Variants in ERC2 observed in about 807,000 individuals in gnomAD.
ERC2 encodes ERC protein 2.
A neutral mutation model predicts 114.8 loss-of-function variants in ERC2; 42 were observed. The ratio of observed to expected loss-of-function variants is 0.37; its 90% CI spans 0.29 to 0.47. The LOEUF is 0.47. ERC2 is among the 20% of genes least tolerant of loss of function. The pLI, the probability that ERC2 is intolerant of heterozygous loss-of-function variation, is 0.99. For synonymous variants in ERC2, 454 were observed against 425.5 expected (o/e 1.07, Z -0.82); for missense variants, 939 against 1,150.7 (o/e 0.82, Z 2.66).
At position 56,434,625 on chromosome 3, in the gene ERC2, G is replaced by A; in HGVS notation, c.383C>T (p.Ser128Phe). The change falls in exon 2 of 18, where the codon TCC becomes TTC. Residue 128 changes from serine to phenylalanine, a missense_variant. Ser to Phe is a radical substitution (Grantham distance 155). This residue lies in a region of ERC2 where 281 missense variants were observed against 307.4 expected (regional missense o/e 0.91). Transcript: ENST00000288221. Reference sequence around the variant, plus strand: ...GGGGACCTGGTGGTGGTGATGATGGGATGAGCCAGTCAGCCCACCATGTTG... The same window carrying A: ...GGGGACCTGGTGGTGGTGATGATGGAATGAGCCAGTCAGCCCACCATGTTG... ...TDQHGGLTGS[S>F]HHHHHQVPSM... The A allele has an allele frequency of 1.2e-6, 2 of 1,613,964 alleles. No individual in the cohort carries two copies. The highest frequency in any genetic ancestry group is 1.7e-6 in the Non-Finnish European group (2 of 1,179,886).
chr3:55,828,547 G>C (rs1438820486), intron 14 of ERC2, among the ~76,000 whole-genome samples: 2 of 147,376 alleles, frequency 1.4e-5, no homozygotes, highest in Non-Finnish European at 3.0e-5. Flanking sequence ...TTAGAGGACT[G>C]CAAAAGAGGG....
At chr3:55,922,177 T>C (rs2065468138) in intron 13 of ERC2, among the ~76,000 whole-genome samples, 1 of 152,140 alleles carries the variant, frequency 6.6e-6, no homozygotes, top group African/African-American at 2.4e-5. Context: ...TAAAGCTTAA[T>C]TTAAACTATT....
chr3:56,255,859 T>A (rs1012888050), intron 3 of ERC2, among the ~76,000 whole-genome samples: 5 of 152,228 alleles, frequency 3.3e-5, no homozygotes, highest in African/African-American at 1.2e-4. Flanking sequence ...GCAGCATGAA[T>A]GTCGTTGCCT....
At chr3:56,234,236 T>A (rs1023402102) in intron 3 of ERC2, among the ~76,000 whole-genome samples, 2 of 152,204 alleles carry the variant, frequency 1.3e-5, no homozygotes, top group African/African-American at 4.8e-5. Flanking sequence ...ATTCACTCTT[T>A]TCTTGAAATG....
intron 17 of ERC2, among the ~76,000 whole-genome samples, chr3:55,549,776 G>A (rs1277617590): frequency 6.6e-6 from 1 of 152,088 alleles, no homozygotes; most frequent in South Asian, 2.1e-4. Context: ...AATGCACAGG[G>A]CCCTGTCCTC....
In ERC2 at chr3:55,675,249, G is replaced by A. The variant is rs572980884; in HGVS notation, c.*39+8545C>T. The stretch of plus-strand genomic sequence containing the variant: ...TCCCAGAATACATTCCCATCTCAAA[G>A]TCTCTGACAAACATGTTCATGGGGA... On this transcript the variant is annotated intron_variant, in intron 17 of 17. Transcript: ENST00000288221. 1.1e-4 allele frequency among the ~76,000 whole-genome samples: 16 copies of A among 152,274 alleles called. No homozygotes were observed. The South Asian group carries it at 2.7e-3, about 26-fold the overall frequency.
At chr3:55,944,056 G>C (rs549835641) in intron 13 of ERC2, among the ~76,000 whole-genome samples, 1 of 152,302 alleles carries the variant, frequency 6.6e-6, no homozygotes, top group African/African-American at 2.4e-5. Flanking sequence ...AAAATAGTGT[G>C]AGTTTGCTTA....
chr3:56,428,968 C>T (rs2061682667), intron 2 of ERC2, among the ~76,000 whole-genome samples: 1 of 152,118 alleles, frequency 6.6e-6, no homozygotes, highest in African/African-American at 2.4e-5. Context: ...CATGCACAAC[C>T]TAGGAAAATG....
chr3:55,532,991 G>GC (rs1182352390), intron 17 of ERC2, among the ~76,000 whole-genome samples: 5 of 152,200 alleles, frequency 3.3e-5, no homozygotes, highest in African/African-American at 1.2e-4. Context: ...TCTGGTGAGG[G>GC]CCCTTGGCCC....
At chr3:56,287,399 C>A (rs1231597483) in intron 3 of ERC2, among the ~76,000 whole-genome samples, 1 of 152,170 alleles carries the variant, frequency 6.6e-6, no homozygotes, top group Non-Finnish European at 1.5e-5. Flanking sequence ...CACAAAAATT[C>A]ACCTATTTGT....
At chr3:55,931,562 T>C (rs758848165) in intron 13 of ERC2, among the ~76,000 whole-genome samples, 5 of 151,750 alleles carry the variant, frequency 3.3e-5, no homozygotes, top group Non-Finnish European at 7.4e-5. Flanking sequence ...TGAGAACACA[T>C]GGACACAGGG....
In ERC2 at chr3:55,509,998, A is replaced by G. The variant is rs1258495302; in HGVS notation, c.*1318T>C. Reference sequence around the variant, plus strand: ...TTTGCCAGACTCAGTCATGAGTTTTATGAAGTTATAACAATTTAAATTGTT... The same window carrying G: ...TTTGCCAGACTCAGTCATGAGTTTTGTGAAGTTATAACAATTTAAATTGTT... On this transcript the variant is annotated 3_prime_UTR_variant, in exon 18 of 18. Coordinates refer to ENST00000288221, the MANE Select transcript of ERC2 (RefSeq NM_015576.3). 6.6e-6 allele frequency: 1 copy of G among 152,662 alleles called. No homozygotes were observed. Among genetic ancestry groups the G allele is most frequent in the Non-Finnish European group, 1.5e-5 (1 of 68,038 alleles). 9.5% of individuals were successfully genotyped at this position (152,662 alleles called of 1,614,324 possible).
intron 12 of ERC2, among the ~76,000 whole-genome samples, chr3:55,956,267 G>T (rs952481992): frequency 6.6e-6 from 1 of 152,098 alleles, no homozygotes; most frequent in South Asian, 2.1e-4. Flanking sequence ...TTCCTAGCAG[G>T]TTATCCTAAT....
At chr3:56,000,746 T>C (rs1033758023) in intron 10 of ERC2, among the ~76,000 whole-genome samples, 6 of 152,022 alleles carry the variant, frequency 3.9e-5, no homozygotes, top group Admixed American at 6.6e-5. Context: ...TATTGGGATC[T>C]TTACAAATCA....
At chr3:56,092,495 A>G (rs986252169) in intron 6 of ERC2, among the ~76,000 whole-genome samples, 1 of 152,220 alleles carries the variant, frequency 6.6e-6, no homozygotes, top group Admixed American at 6.5e-5. Flanking sequence ...CTGAAAACAC[A>G]TGGGAATTGT....
chr3:55,510,305 A>G lies in ERC2; in HGVS notation c.*1011T>C, dbSNP rs900359955. ...AAGAGAAATGACCCTTCATTTACAG[A>G]AAATCTAAGCTTACACTGTTTGCAC... On this transcript the variant is annotated 3_prime_UTR_variant, in exon 18 of 18. Transcript: ENST00000288221. The G allele has an allele frequency of 5.3e-5, 8 of 152,352 alleles. No individual in the cohort carries two copies. The highest frequency in any genetic ancestry group is 1.9e-4 in the African/African-American group (8 of 41,398). 9.4% of individuals were successfully genotyped at this position (152,352 alleles called of 1,614,324 possible). A position where few individuals can be genotyped will look rare whatever the true frequency, so the allele number is the denominator to read the frequency against.
At chr3:55,902,904 A>C (rs1204674596) in intron 13 of ERC2, among the ~76,000 whole-genome samples, 1 of 152,132 alleles carries the variant, frequency 6.6e-6, no homozygotes, top group Non-Finnish European at 1.5e-5. Context: ...AATTCAGCCC[A>C]CTCCTATAAA....
At chr3:55,629,352 A>C (rs2059651829) in intron 17 of ERC2, among the ~76,000 whole-genome samples, 1 of 152,242 alleles carries the variant, frequency 6.6e-6, no homozygotes, top group Admixed American at 6.5e-5. Context: ...GGAGGAAGCC[A>C]AAAGGCTTAT....
intron 2 of ERC2, among the ~76,000 whole-genome samples, chr3:56,384,282 G>C (rs2059857358): frequency 6.6e-6 from 1 of 152,106 alleles, no homozygotes; most frequent in Non-Finnish European, 1.5e-5. Context: ...CTGCCATACT[G>C]TTTTCTGTAG....
Sources: gnomAD v4.1 joint callset for allele counts (sites outside exome capture counted in the v4.1 genomes callset) on GRCh38, gnomAD v4.1.1 for gene constraint, gnomAD v4.1.1 regional missense constraint, MANE v1.5 for transcripts, NCBI Gene and HGNC (gene_info 2026-07-23, HGNC 2026-07-21) for gene names.